Variants in SNTG1 observed in about 807,000 individuals in gnomAD.
SNTG1 encodes syntrophin gamma 1, also known as gamma-1-syntrophin.
A neutral mutation model predicts 74.7 loss-of-function variants in SNTG1; 39 were observed. That is an observed-to-expected ratio of 0.52 (90% CI 0.40 to 0.68). SNTG1 has a LOEUF of 0.68. Among genes scored for constraint, SNTG1 ranks in the 30% least tolerant of loss-of-function variants. The pLI, the probability that SNTG1 is intolerant of heterozygous loss-of-function variation, is 0.00. For missense variants in SNTG1, 685 were observed against 609.5 expected (o/e 1.12, Z -1.30); for synonymous variants, 254 against 217.1 (o/e 1.17, Z -1.49).
At chr8:50,598,950 A>T (rs1446123322) in intron 13 of SNTG1, among the ~76,000 whole-genome samples, 1 of 152,028 alleles carries the variant, frequency 6.6e-6, no homozygotes, top group Non-Finnish European at 1.5e-5. Flanking sequence ...TTCATTAGTT[A>T]TAACAACTTT....
At chr8:50,086,626 G>A (rs550020755) in intron 1 of SNTG1, among the ~76,000 whole-genome samples, 13 of 152,122 alleles carry the variant, frequency 8.5e-5, no homozygotes, top group African/African-American at 3.1e-4. Context: ...ATGTTTGAAG[G>A]GCCTGAGGCA....
chr8:49,931,421 T>A (rs949251170), intron 1 of SNTG1, among the ~76,000 whole-genome samples: 4 of 152,208 alleles, frequency 2.6e-5, no homozygotes, highest in African/African-American at 9.6e-5. Context: ...AAGAGAGAAG[T>A]GGGGGCACAG....
chr8:50,444,047 A>G (rs1390865206), intron 5 of SNTG1, among the ~76,000 whole-genome samples: 3 of 152,082 alleles, frequency 2.0e-5, no homozygotes, highest in Non-Finnish European at 4.4e-5. Flanking sequence ...CTGAGACAGG[A>G]GAATCACTTG....
intron 8 of SNTG1, chr8:50,457,775 T>C (rs1324330072): frequency 6.6e-6 from 1 of 151,902 alleles, no homozygotes; most frequent in Non-Finnish European, 1.5e-5. Context: ...AAAGGAAGGG[T>C]TGAAGAGGTG....
At chr8:50,152,320 C>T (rs201652696) in intron 1 of SNTG1, among the ~76,000 whole-genome samples, 3 of 152,080 alleles carry the variant, frequency 2.0e-5, no homozygotes, top group African/African-American at 2.4e-5. Flanking sequence ...TGAGATGGGT[C>T]TCCTGAATAC....
chr8:50,013,991 G>A (rs762736018), intron 1 of SNTG1, among the ~76,000 whole-genome samples: 28 of 152,080 alleles, frequency 1.8e-4, no homozygotes, highest in Non-Finnish European at 3.4e-4. Flanking sequence ...ACCCATTTTT[G>A]ATCTCAGAAA....
chr8:50,143,693 G>C (rs2081754833), intron 1 of SNTG1, among the ~76,000 whole-genome samples: 1 of 152,124 alleles, frequency 6.6e-6, no homozygotes, highest in Non-Finnish European at 1.5e-5. Flanking sequence ...GTTACTGTTT[G>C]GGCGCATAAC....
intron 12 of SNTG1, among the ~76,000 whole-genome samples, chr8:50,589,774 TC>T (rs1207694459): frequency 6.6e-6 from 1 of 152,110 alleles, no homozygotes; most frequent in Non-Finnish European, 1.5e-5. Flanking sequence ...TGTTTAGAGA[TC>T]AGTTTTTTCC....
In SNTG1 at chr8:50,034,721, G is replaced by GA. The variant is rs1361070360; in HGVS notation, c.-103+122497dup. Among the ~76,000 whole-genome samples the GA allele has an allele frequency of 5.9e-5, 9 of 152,214 alleles. 1 individual carries two copies. The South Asian group carries it at 8.3e-4, about 14-fold the overall frequency. On this transcript the variant is annotated intron_variant, in intron 1 of 18. Coordinates refer to ENST00000642720, the MANE Select transcript of SNTG1 (RefSeq NM_018967.5). ...CACTAATGACAGCTGATGAGCTAAA[G>GA]AAAAAAATCACAAAATTATCTCATA...
At chr8:50,143,167 C>T (rs954116146) in intron 1 of SNTG1, among the ~76,000 whole-genome samples, 3 of 152,130 alleles carry the variant, frequency 2.0e-5, no homozygotes, top group Non-Finnish European at 4.4e-5. Flanking sequence ...TATGGCCATG[C>T]TGTGTCGACC....
intron 1 of SNTG1, among the ~76,000 whole-genome samples, chr8:50,036,919 A>G (rs1012091498): frequency 6.6e-6 from 1 of 152,214 alleles, no homozygotes; most frequent in Non-Finnish European, 1.5e-5. Context: ...ACAAGACCTT[A>G]TGTAAGAATT....
At chr8:50,340,924 A>G (rs1454525053) in intron 2 of SNTG1, among the ~76,000 whole-genome samples, 2 of 151,952 alleles carry the variant, frequency 1.3e-5, no homozygotes, top group Non-Finnish European at 2.9e-5. Context: ...AAAGTAAAGC[A>G]CAAATTGCTT....
intron 16 of SNTG1, among the ~76,000 whole-genome samples, chr8:50,705,243 G>A (rs1381228369): frequency 6.6e-6 from 1 of 152,102 alleles, no homozygotes; most frequent in Non-Finnish European, 1.5e-5. Context: ...CCTGCCTAAT[G>A]CTTGCCAATA....
At chr8:50,073,744 G>A (rs1312519589) in intron 1 of SNTG1, among the ~76,000 whole-genome samples, 1 of 151,928 alleles carries the variant, frequency 6.6e-6, no homozygotes, top group Non-Finnish European at 1.5e-5. Flanking sequence ...TTGTATGTCT[G>A]CCTCACAGCT....
upstream of SNTG1, among the ~76,000 whole-genome samples, chr8:49,910,080 C>T (rs1051331800): frequency 3.9e-5 from 6 of 152,198 alleles, no homozygotes; most frequent in Non-Finnish European, 7.3e-5. Flanking sequence ...GGGAAGATCC[C>T]CTACCTGGAA....
chr8:50,280,480 G>T (rs2088378376), intron 2 of SNTG1, among the ~76,000 whole-genome samples: 2 of 152,256 alleles, frequency 1.3e-5, no homozygotes, highest in East Asian at 1.9e-4. Flanking sequence ...TCTGAGCCAA[G>T]TAAGTGACCA....
At chr8:50,528,246 TG>T (rs1416083264) in intron 9 of SNTG1, among the ~76,000 whole-genome samples, 1 of 152,016 alleles carries the variant, frequency 6.6e-6, no homozygotes. Flanking sequence ...AGGTTTATTT[TG>T]TCATTAGTTA....
At chr8:50,017,147 A>G (rs1471151772) in intron 1 of SNTG1, among the ~76,000 whole-genome samples, 1 of 152,138 alleles carries the variant, frequency 6.6e-6, no homozygotes, top group Non-Finnish European at 1.5e-5. Context: ...AAAGAACACC[A>G]GGAAATGTTA....
chr8:50,265,426 T>A (rs2087414075), intron 2 of SNTG1, among the ~76,000 whole-genome samples: 1 of 152,048 alleles, frequency 6.6e-6, no homozygotes, highest in Non-Finnish European at 1.5e-5. Context: ...ATAACACCAT[T>A]TTATAGTGCA....
Sources: gnomAD v4.1 joint callset for allele counts (sites outside exome capture counted in the v4.1 genomes callset) on GRCh38, gnomAD v4.1.1 for gene constraint, MANE v1.5 for transcripts, NCBI Gene and HGNC (gene_info 2026-07-23, HGNC 2026-07-21) for gene names.